Variants in GTF2E1 observed in about 807,000 individuals in gnomAD.
GTF2E1 encodes the protein TFIIE alpha subunit.
A neutral mutation model predicts 34.9 loss-of-function variants in GTF2E1; 14 were observed. The ratio of observed to expected loss-of-function variants is 0.40; its 90% CI spans 0.27 to 0.63. The LOEUF (loss-of-function observed/expected upper bound fraction) is 0.63. Ranked by LOEUF, GTF2E1 falls within the 20% of genes least tolerant of loss-of-function variation. GTF2E1 has a pLI of 0.39. For missense variants in GTF2E1, 469 were observed against 557.7 expected (o/e 0.84, Z 1.60); for synonymous variants, 188 against 192.9 (o/e 0.97, Z 0.21).
At chr3:120,770,470 T>C (rs1179477173) in intron 2 of GTF2E1, among the ~76,000 whole-genome samples, 1 of 152,132 alleles carries the variant, frequency 6.6e-6, no homozygotes, top group Non-Finnish European at 1.5e-5. Flanking sequence ...ATTAGAAATA[T>C]TGTGATTAAA....
intron 1 of GTF2E1, chr3:120,749,715 T>A (rs1709145790): frequency 6.6e-6 from 1 of 152,112 alleles, no homozygotes; most frequent in Non-Finnish European, 1.5e-5. Context: ...GGTCTAAAAT[T>A]CTCCTTTTTG....
At chr3:120,761,306 C>G (rs1392871887) in intron 2 of GTF2E1, among the ~76,000 whole-genome samples, 3 of 151,972 alleles carry the variant, frequency 2.0e-5, no homozygotes, top group Non-Finnish European at 4.4e-5. Flanking sequence ...TGATTCTTCT[C>G]TCTTTTCTTT....
At chr3:120,750,358 A>C (rs1348570236) in intron 1 of GTF2E1, among the ~76,000 whole-genome samples, 165 bp from the exon 2 acceptor site, 1 of 152,168 alleles carries the variant, frequency 6.6e-6, no homozygotes, top group Non-Finnish European at 1.5e-5. Flanking sequence ...TTTTGGGTGT[A>C]ATCTTTTGTG....
chr3:120,751,039 G>T (rs779824437), intron 2 of GTF2E1, 39 bp downstream of exon 2: 1 of 1,279,764 alleles, frequency 7.8e-7, no homozygotes. Context: ...AAAATAAAGT[G>T]TGTATTACCT....
intron 2 of GTF2E1, among the ~76,000 whole-genome samples, chr3:120,757,452 C>T (rs1709218747): frequency 6.6e-6 from 1 of 151,336 alleles, no homozygotes; most frequent in African/African-American, 2.4e-5. Flanking sequence ...GAGTATTTTG[C>T]AGTGTTAAGT....
intron 1 of GTF2E1, among the ~76,000 whole-genome samples, chr3:120,748,436 A>C (rs1472196314): frequency 1.3e-5 from 2 of 152,320 alleles, no homozygotes; most frequent in African/African-American, 2.4e-5. Flanking sequence ...TAAAAGGTGT[A>C]AGGAAGGGAT....
At chr3:120,744,714 A>G (rs1447043732) in intron 1 of GTF2E1, among the ~76,000 whole-genome samples, 1 of 151,578 alleles carries the variant, frequency 6.6e-6, no homozygotes, top group Non-Finnish European at 1.5e-5. Flanking sequence ...CTTAGTTTAG[A>G]TTTTATACCC....
chr3:120,760,693 T>G (rs1709252567), intron 2 of GTF2E1, among the ~76,000 whole-genome samples: 1 of 152,234 alleles, frequency 6.6e-6, no homozygotes, highest in African/African-American at 2.4e-5. Context: ...CGTGTGCTTT[T>G]TGTCATTGGT....
chr3:120,780,591 C>G (rs1369911988), intron 4 of GTF2E1, among the ~76,000 whole-genome samples: 1 of 152,114 alleles, frequency 6.6e-6, no homozygotes, highest in African/African-American at 2.4e-5. Context: ...TAGGCCATTG[C>G]AAAGCTTTTG....
rs768686645 is a variant in GTF2E1 at position 120,781,040 on chromosome 3, C to T, written c.893-3C>T. The T allele has an allele frequency of 3.6e-5, 57 of 1,599,460 alleles. 1 individual carries two copies. In the South Asian group the frequency reaches 6.0e-4, roughly 17 times the overall value. ...TATTGACTTTCTGAGTTTTACTCCC[C>T]AGGGGGCATAGATATGGACGCATTT... On this transcript the variant is annotated splice_polypyrimidine_tract_variant and splice_region_variant and intron_variant, in intron 4 of 4. Transcript: ENST00000283875.
Position 120,750,583 on chromosome 3 carries a change from C to T in GTF2E1, c.31C>T (p.Pro11Ser). 5 of 1,612,422 alleles carry T rather than the reference C, an allele frequency of 3.1e-6. No individual in the cohort carries two copies. Among genetic ancestry groups the T allele is most frequent in the Non-Finnish European group, 3.4e-6 (4 of 1,178,594 alleles). Residue 11 changes from proline to serine, a missense_variant, in exon 2 of 5, where the codon CCA becomes TCA. Transcript: ENST00000283875. ...AGACCCAGATGTCCTCACTGAAGTT[C>T]CAGCAGCATTGAAGCGGTTAGCCAA... MADPDVLTEV[P>S]AALKRLAKYV... is the part of the protein sequence containing the mutation.
chr3:120,750,486 T>C (rs1038333164), intron 1 of GTF2E1, 37 bp from the exon 2 acceptor site: 1 of 1,268,284 alleles, frequency 7.9e-7, no homozygotes, highest in African/African-American at 1.5e-5. Context: ...ACCATGTTCT[T>C]ATACCTGGCT....
intron 3 of GTF2E1, among the ~76,000 whole-genome samples, chr3:120,773,595 G>A (rs1242956905): frequency 6.6e-6 from 1 of 152,010 alleles, no homozygotes; most frequent in Non-Finnish European, 1.5e-5. Context: ...TTCTAGAGTG[G>A]AATTCCTTGC....
intron 2 of GTF2E1, among the ~76,000 whole-genome samples, chr3:120,765,178 C>T (rs1325245655): frequency 1.3e-5 from 2 of 152,052 alleles, no homozygotes; most frequent in East Asian, 1.9e-4. Flanking sequence ...TTTCTTTTCT[C>T]ATTGTGGAGT....
At chr3:120,765,154 C>T (rs1032031095) in intron 2 of GTF2E1, among the ~76,000 whole-genome samples, 8 of 151,912 alleles carry the variant, frequency 5.3e-5, no homozygotes, top group Admixed American at 2.0e-4. Flanking sequence ...CTCATCCCCA[C>T]AATTAGGTCT....
intron 2 of GTF2E1, among the ~76,000 whole-genome samples, chr3:120,764,665 CTAA>C (rs1176480387): frequency 6.6e-6 from 1 of 152,142 alleles, no homozygotes; most frequent in Non-Finnish European, 1.5e-5. Flanking sequence ...GAGGATTTGA[CTAA>C]TAATGTCTTC....
chr3:120,776,294 A>T (rs1218372017), intron 3 of GTF2E1, 129 bp from the exon 4 acceptor site: 3 of 778,688 alleles, frequency 3.9e-6, no homozygotes, highest in Non-Finnish European at 6.3e-6. Flanking sequence ...TTGTTAAAGC[A>T]TGTGTGCATG....
chr3:120,753,992 A>G (rs1466237090), intron 2 of GTF2E1, among the ~76,000 whole-genome samples: 2 of 152,256 alleles, frequency 1.3e-5, no homozygotes, highest in East Asian at 1.9e-4. Flanking sequence ...AAACAAAAAC[A>G]TGACATGAAA....
chr3:120,761,654 A>T (rs1326441164), intron 2 of GTF2E1, among the ~76,000 whole-genome samples: 1 of 151,910 alleles, frequency 6.6e-6, no homozygotes, highest in East Asian at 1.9e-4. Flanking sequence ...GAACATCTTT[A>T]TTTCTGCCTT....
Sources: gnomAD v4.1 joint callset for allele counts (sites outside exome capture counted in the v4.1 genomes callset) on GRCh38, gnomAD v4.1.1 for gene constraint, MANE v1.5 for transcripts, NCBI Gene and HGNC (gene_info 2026-07-23, HGNC 2026-07-21) for gene names.